The following AFDN variants were observed in gnomAD, a reference collection of about 807,000 sequenced individuals.
AFDN encodes afadin, adherens junction formation factor.
A neutral mutation model predicts 216.6 loss-of-function variants in AFDN; 68 were observed. The ratio of observed to expected loss-of-function variants is 0.31; its 90% CI spans 0.26 to 0.38. AFDN has a LOEUF of 0.38. AFDN is among the 10% of genes least tolerant of loss of function. The pLI is 1.00. For missense variants in AFDN, 2,136 were observed against 2,342.0 expected (o/e 0.91, Z 1.82); for synonymous variants, 868 against 853.7 (o/e 1.02, Z -0.29).
At chr6:167,936,145 G>T (rs1444333656) in intron 23 of AFDN, among the ~76,000 whole-genome samples, 3 of 152,172 alleles carry the variant, frequency 2.0e-5, no homozygotes, top group Non-Finnish European at 4.4e-5. Flanking sequence ...CTAAGTCTCT[G>T]CATTTCCATA....
chr6:167,927,172 TAAG>T (rs1203489596), intron 23 of AFDN, among the ~76,000 whole-genome samples: 1 of 152,132 alleles, frequency 6.6e-6, no homozygotes, highest in Non-Finnish European at 1.5e-5. Flanking sequence ...TTGGAGAAAT[TAAG>T]AAGATGAATG....
intron 1 of AFDN, among the ~76,000 whole-genome samples, chr6:167,832,011 A>C (rs1289772163): frequency 6.6e-6 from 1 of 152,232 alleles, no homozygotes; most frequent in Non-Finnish European, 1.5e-5. Flanking sequence ...AACTCATTTG[A>C]AAATTATTTT....
At chr6:167,889,495 G>A (rs984705646) in intron 7 of AFDN, among the ~76,000 whole-genome samples, 169 bp downstream of exon 7, 7 of 152,224 alleles carry the variant, frequency 4.6e-5, no homozygotes, top group South Asian at 2.1e-4. Context: ...GTGCAGTGGC[G>A]CAATCTTGGC....
intron 30 of AFDN, among the ~76,000 whole-genome samples, chr6:167,955,556 T>C (rs1251525207): frequency 6.6e-6 from 1 of 152,194 alleles, no homozygotes; most frequent in African/African-American, 2.4e-5. Context: ...TCAGCATCCA[T>C]GACACGGTGG....
intron 1 of AFDN, among the ~76,000 whole-genome samples, chr6:167,849,710 G>A (rs146485909): frequency 2.2e-3 from 335 of 152,310 alleles, no homozygotes; most frequent in African/African-American, 7.8e-3. Flanking sequence ...AAAAACAGGA[G>A]TTAAGAGTAT....
intron 21 of AFDN, 23 bp from the exon 22 acceptor site, chr6:167,922,833 C>A (rs1389385421): frequency 5.3e-6 from 8 of 1,503,010 alleles, no homozygotes; most frequent in East Asian, 2.3e-5. Context: ...TTTTCACTTA[C>A]AATTTGCTTG....
In AFDN at chr6:167,943,126, T is replaced by C. The variant is rs775265123; in HGVS notation, c.3100-3T>C. ...CAGTGTTTTCGCCTTGTTTTTGCAA[T>C]AGGGTGCTGGTCAAGATAAACTAGG... On this transcript the variant is annotated splice_polypyrimidine_tract_variant and splice_region_variant and intron_variant, in intron 23 of 33. Transcript: ENST00000683244. The C allele has an allele frequency of 1.2e-6, 2 of 1,613,070 alleles. No homozygotes were observed. Among genetic ancestry groups the C allele is most frequent in the Admixed American group, 1.7e-5 (1 of 59,812 alleles).
intron 4 of AFDN, among the ~76,000 whole-genome samples, chr6:167,875,056 A>G (rs1283648519): frequency 1.3e-5 from 2 of 152,198 alleles, no homozygotes; most frequent in Non-Finnish European, 1.5e-5. Context: ...TGTATAATCA[A>G]TATATTTTTC....
At position 167,925,064 on chromosome 6, in the gene AFDN, A is replaced by G; in HGVS notation, c.3072A>G (p.Gly1024=). Residue 1024 remains glycine, a synonymous_variant, in exon 23 of 34, where the codon GGA becomes GGG. Transcript: ENST00000683244. The part of the protein sequence containing the change: ...IITVTLKKQN[G]MGLSIVAAKG... ...CTGTGACCCTAAAAAAGCAGAATGGAATGGGCCTTAGCATTGTTGCAGCAA... is the reference window on the plus strand; with the variant it reads ...CTGTGACCCTAAAAAAGCAGAATGGGATGGGCCTTAGCATTGTTGCAGCAA... The G allele has an allele frequency of 6.2e-7, 1 of 1,613,876 alleles. No homozygotes were observed.
chr6:167,893,988 T>C lies in AFDN; in HGVS notation c.1222+82T>C, dbSNP rs147953268. 277 of 1,034,464 alleles carry C rather than the reference T, an allele frequency of 2.7e-4. 4 individuals are homozygous for C. In the African/African-American group the frequency reaches 4.2e-3, roughly 16 times the overall value. The allele number at this position is 1,034,464 out of a possible 1,614,324, so 64.1% of individuals were successfully genotyped here. ...CAGAATAGTGTTGAATGACCAAATATCTTATGTATCAGTTTTTTAGTTGAT... is the reference window on the plus strand; with the variant it reads ...CAGAATAGTGTTGAATGACCAAATACCTTATGTATCAGTTTTTTAGTTGAT... On this transcript the variant is annotated intron_variant, in intron 9 of 33. Transcript: ENST00000683244.
chr6:167,826,564 ACTCTG>A, upstream of AFDN: 1 of 523,142 alleles, frequency 1.9e-6, no homozygotes, highest in Non-Finnish European at 3.9e-6. Flanking sequence ...GCCCGTCCGG[ACTCTG>A]CACCGCGCGT....
chr6:167,945,856 A>G (rs997248720), intron 26 of AFDN, among the ~76,000 whole-genome samples: 2 of 152,254 alleles, frequency 1.3e-5, no homozygotes, highest in Non-Finnish European at 2.9e-5. Flanking sequence ...TTCAGACACA[A>G]TAGGAGAAAA....
At chr6:167,872,076 C>A in intron 3 of AFDN, 138 bp from the exon 4 acceptor site, 1 of 762,684 alleles carries the variant, frequency 1.3e-6, no homozygotes, top group Non-Finnish European at 2.2e-6. Context: ...AGACCATTCT[C>A]ATTACTCCAG....
chr6:167,892,313 ATTG>A (rs1421274826), intron 8 of AFDN, among the ~76,000 whole-genome samples: 1 of 152,200 alleles, frequency 6.6e-6, no homozygotes, highest in Admixed American at 6.5e-5. Context: ...ACATCCCAGT[ATTG>A]TTGTGTGTCT....
chr6:167,941,949 A>G (rs1442922989), intron 23 of AFDN, among the ~76,000 whole-genome samples: 1 of 152,346 alleles, frequency 6.6e-6, no homozygotes, highest in South Asian at 2.1e-4. Context: ...TGAAGTATAT[A>G]CTGCTCTCCA....
At chr6:167,967,461 G>A (rs1797679271) in intron 32 of AFDN, among the ~76,000 whole-genome samples, 1 of 152,140 alleles carries the variant, frequency 6.6e-6, no homozygotes, top group Non-Finnish European at 1.5e-5. Context: ...TCTGTTGTAA[G>A]TATCTACAAT....
intron 21 of AFDN, among the ~76,000 whole-genome samples, chr6:167,922,641 ATTTTACT>A (rs1562679686): frequency 6.6e-6 from 1 of 152,206 alleles, no homozygotes; most frequent in African/African-American, 2.4e-5. Flanking sequence ...TGGGAGGCCA[ATTTTACT>A]TTACTGCTTG....
rs1785975767 is a variant in AFDN, at chr6:167,880,496, T to A, written c.876T>A (p.Pro292=). The A allele has an allele frequency of 1.2e-6, 2 of 1,613,626 alleles. No individual in the cohort carries two copies. The highest frequency in any genetic ancestry group is 8.5e-7 in the Non-Finnish European group (1 of 1,179,750). The change falls in exon 6 of 34, where the codon CCT becomes CCA. Residue 292 remains proline (P), a synonymous_variant. Transcript: ENST00000683244. ...LEKYGLEKEN[P]KDYCIARVML... The stretch of plus-strand genomic sequence containing the variant: ...AGTATGGTCTGGAAAAAGAAAACCC[T>A]AAGGATTACTGCATCGCCCGGGTAA...
In AFDN at chr6:167,890,941, A is replaced by G; in HGVS notation, c.1089A>G (p.Thr363=). The G allele has an allele frequency of 1.2e-6, 2 of 1,614,118 alleles. No individual in the cohort carries two copies. Among genetic ancestry groups the G allele is most frequent in the Non-Finnish European group, 1.7e-6 (2 of 1,180,012 alleles). ...KKTKKHLEGK[T]PKGKERADGS... ...CCAAGAAACACTTGGAAGGCAAGAC[A>G]CCCAAGGGAAAGGAGAGAGCTGACG... The change falls in exon 8 of 34, where the codon ACA becomes ACG. Residue 363 remains threonine (T), a synonymous_variant. Coordinates refer to ENST00000683244, the MANE Select transcript of AFDN (RefSeq NM_001386888.1).
Sources: allele counts gnomAD v4.1 joint callset (sites outside exome capture counted in the v4.1 genomes callset), GRCh38; gene constraint gnomAD v4.1.1; transcripts MANE v1.5; gene names NCBI Gene and HGNC (gene_info 2026-07-23, HGNC 2026-07-21).